The following PRDM5 variants were observed in gnomAD, a reference collection of about 807,000 sequenced individuals.
The protein encoded by PRDM5 is PR domain zinc finger protein 5.
A neutral mutation model predicts 81.2 loss-of-function variants in PRDM5; 56 were observed. That is an observed-to-expected ratio of 0.69 (90% confidence interval 0.56 to 0.86). The LOEUF (loss-of-function observed/expected upper bound fraction) is 0.86, where lower values mean the gene tolerates loss of function less well. PRDM5 is among the 40% of genes least tolerant of loss of function. The probability of loss-of-function intolerance (pLI) is 0.00; values close to 1 mark genes in which losing one functional copy is unlikely to be tolerated. For missense variants in PRDM5, 697 were observed against 770.1 expected, an observed-to-expected ratio of 0.91 and a Z score of 1.12; for synonymous variants, 267 against 256.4, an observed-to-expected ratio of 1.04 and a Z score of -0.39.
chr4:120,877,745 C>T (rs1250780198), intron 2 of PRDM5, among the ~76,000 whole-genome samples: 2 of 152,150 alleles, frequency 1.3e-5, no homozygotes, highest in Admixed American at 1.3e-4. Context: ...GCAGTGGTTG[C>T]AGTGAGCCAA....
intron 13 of PRDM5, among the ~76,000 whole-genome samples, chr4:120,761,743 A>C (rs910499276): frequency 1.4e-4 from 22 of 152,184 alleles, no homozygotes; most frequent in African/African-American, 5.3e-4. Flanking sequence ...AAAACCTTGC[A>C]AATCACTTTA....
At chr4:120,835,248 G>A (rs1022250634) in intron 3 of PRDM5, among the ~76,000 whole-genome samples, 1 of 152,138 alleles carries the variant, frequency 6.6e-6, no homozygotes, top group African/African-American at 2.4e-5. Context: ...AAAATAACTT[G>A]ATGAATGTGA....
rs1256396029 is a variant in PRDM5, at chr4:120,693,202, C to T, written c.*1909G>A. 1 of 152,080 alleles carries T rather than the reference C, an allele frequency of 6.6e-6. No individual in the cohort carries two copies. Among genetic ancestry groups the T allele is most frequent in the Admixed American group, 6.6e-5 (1 of 15,238 alleles). 9.4% of individuals were successfully genotyped at this position (152,080 alleles called of 1,614,324 possible). ...TGTGAACTGTGACTCACTGAGATTACACAAAATTGGAATTTGGACTCCTTT... is the reference window on the plus strand; with the variant it reads ...TGTGAACTGTGACTCACTGAGATTATACAAAATTGGAATTTGGACTCCTTT... On this transcript the variant is annotated 3_prime_UTR_variant, in exon 16 of 16. Coordinates refer to ENST00000264808, the MANE Select transcript of PRDM5 (RefSeq NM_018699.4).
At chr4:120,738,724 A>C (rs705115) in intron 14 of PRDM5, among the ~76,000 whole-genome samples, 151,698 of 152,288 alleles carry the variant, frequency 1, 75,558 homozygotes, top group Middle Eastern at 1. Context: ...CTCACTTTAG[A>C]GCTCTGTCCA....
intron 15 of PRDM5, among the ~76,000 whole-genome samples, chr4:120,701,333 T>C (rs1398383782): frequency 6.6e-6 from 1 of 152,112 alleles, no homozygotes; most frequent in Admixed American, 6.5e-5. Flanking sequence ...TTACTGGGTA[T>C]ATATGCAAAA....
chr4:120,881,845 T>C (rs1397069273), intron 2 of PRDM5, among the ~76,000 whole-genome samples: 3 of 152,362 alleles, frequency 2.0e-5, no homozygotes, highest in African/African-American at 7.2e-5. Flanking sequence ...TATTGTCTAA[T>C]GTTCACTTTT....
At chr4:120,896,361 G>C (rs1008435383) in intron 2 of PRDM5, 5 of 152,040 alleles carry the variant, frequency 3.3e-5, no homozygotes, top group African/African-American at 1.2e-4. Context: ...TTTAAAATAA[G>C]GTTTTTCAGC....
chr4:120,861,745 C>A (rs1274316478), intron 2 of PRDM5, among the ~76,000 whole-genome samples: 1 of 151,546 alleles, frequency 6.6e-6, no homozygotes, highest in Non-Finnish European at 1.5e-5. Context: ...CTGCAGCGAG[C>A]CAAGATCGTG....
intron 2 of PRDM5, among the ~76,000 whole-genome samples, chr4:120,874,220 A>C (rs574699838): frequency 1.3e-5 from 2 of 152,338 alleles, no homozygotes; most frequent in South Asian, 4.1e-4. Context: ...ATCATTAATG[A>C]AAATTTCACA....
intron 1 of PRDM5, among the ~76,000 whole-genome samples, chr4:120,909,725 G>C (rs936076171): frequency 6.6e-6 from 1 of 152,030 alleles, no homozygotes; most frequent in Middle Eastern, 3.4e-3. Context: ...TGGGGGGTGC[G>C]GGGGAAGCCT....
chr4:120,770,094 G>A lies in PRDM5; in HGVS notation c.1537+7094C>T, dbSNP rs748274285. Among the ~76,000 whole-genome samples, 60 of 152,174 alleles carry A rather than the reference G, an allele frequency of 3.9e-4. 1 individual carries two copies. The highest frequency in any genetic ancestry group is 9.4e-4 in the African/African-American group (39 of 41,540). On this transcript the variant is annotated intron_variant, in intron 13 of 15. Coordinates refer to ENST00000264808, the MANE Select transcript of PRDM5 (RefSeq NM_018699.4). Reference sequence around the variant, plus strand: ...GTCGCCCAGGTTGGAGTGCAGTGGCGTGATCTTGGTTCACTGCAACCTCCG... The same window carrying A: ...GTCGCCCAGGTTGGAGTGCAGTGGCATGATCTTGGTTCACTGCAACCTCCG...
At position 120,710,472 on chromosome 4, in the gene PRDM5, T is replaced by A. The variant is rs1578435949; in HGVS notation, c.1624-59A>T. On this transcript the variant is annotated intron_variant, in intron 14 of 15. Coordinates refer to ENST00000264808, the MANE Select transcript of PRDM5 (RefSeq NM_018699.4). Reference sequence around the variant, plus strand: ...CAGTGAATGAATGAATGCAGAGTCCTCCATATTCAGGTGTGTGTTATGGGA... The same window carrying A: ...CAGTGAATGAATGAATGCAGAGTCCACCATATTCAGGTGTGTGTTATGGGA... The A allele has an allele frequency of 6.0e-6, 8 of 1,327,758 alleles. No individual in the cohort carries two copies. The East Asian group carries it at 1.8e-4, about 31-fold the overall frequency. 82.2% of individuals were successfully genotyped at this position (1,327,758 alleles called of 1,614,324 possible). A position where few individuals can be genotyped will look rare whatever the true frequency, so the allele number is the denominator to read the frequency against.
intron 1 of PRDM5, among the ~76,000 whole-genome samples, chr4:120,920,901 T>G (rs1159796134): frequency 6.6e-6 from 1 of 152,162 alleles, no homozygotes; most frequent in Non-Finnish European, 1.5e-5. Context: ...TTCATTTCAT[T>G]GCATGCCCAA....
At chr4:120,832,845 G>C (rs1756887370) in intron 3 of PRDM5, among the ~76,000 whole-genome samples, 1 of 152,046 alleles carries the variant, frequency 6.6e-6, no homozygotes, top group African/African-American at 2.4e-5. Context: ...GAGGGTGAGA[G>C]GGTTTCACTC....
intron 7 of PRDM5, among the ~76,000 whole-genome samples, chr4:120,812,296 T>C (rs1324855235): frequency 6.6e-6 from 1 of 152,150 alleles, no homozygotes; most frequent in African/African-American, 2.4e-5. Flanking sequence ...CACTGGGGTA[T>C]ATATCTACAG....
intron 2 of PRDM5, among the ~76,000 whole-genome samples, chr4:120,875,688 CA>C (rs2148559523): frequency 6.6e-6 from 1 of 152,262 alleles, no homozygotes; most frequent in South Asian, 2.1e-4. Flanking sequence ...TGAAAGAAAG[CA>C]GTGTAGTTAG....
chr4:120,818,348 C>A lies in PRDM5; in HGVS notation c.650+5G>T, dbSNP rs754469516. 1 of 1,611,594 alleles carries A rather than the reference C, an allele frequency of 6.2e-7. No homozygotes were observed. Reference sequence around the variant, plus strand: ...ATTTTAAAGATATTTCTTTAATATACGCACTGTCTTTGCAAAGCCTGCTTA... The same window carrying A: ...ATTTTAAAGATATTTCTTTAATATAAGCACTGTCTTTGCAAAGCCTGCTTA... On this transcript the variant is annotated splice_donor_5th_base_variant and intron_variant, in intron 5 of 15. Coordinates refer to ENST00000264808, the MANE Select transcript of PRDM5 (RefSeq NM_018699.4).
chr4:120,713,214 C>A (rs1403046363), intron 14 of PRDM5, among the ~76,000 whole-genome samples: 1 of 152,062 alleles, frequency 6.6e-6, no homozygotes, highest in Admixed American at 6.6e-5. Flanking sequence ...TGTAATAATT[C>A]TTTTTTACCT....
intron 2 of PRDM5, among the ~76,000 whole-genome samples, chr4:120,891,633 T>G (rs766257956): frequency 1.3e-5 from 2 of 152,116 alleles, no homozygotes; most frequent in Non-Finnish European, 2.9e-5. Flanking sequence ...GGTTGTTCAT[T>G]TGGGAGCTTT....
Sources: gnomAD v4.1 joint callset for allele counts (sites outside exome capture counted in the v4.1 genomes callset) on GRCh38, gnomAD v4.1.1 for gene constraint, MANE v1.5 for transcripts, NCBI Gene and HGNC (gene_info 2026-07-23, HGNC 2026-07-21) for gene names.